The following NXPE2 variants were observed in gnomAD, a reference collection of about 807,000 sequenced individuals.
NXPE2 encodes NXPE family member 2.
A neutral mutation model predicts 34.4 loss-of-function variants in NXPE2; 34 were observed. The observed-to-expected ratio is 0.99, with a 90% CI of 0.75 to 1.31. NXPE2 has a LOEUF of 1.31. Ranked by LOEUF, NXPE2 falls within the 40% of genes most tolerant of loss-of-function variation. The probability of loss-of-function intolerance (pLI) is 0.00; values close to 1 mark genes in which losing one functional copy is unlikely to be tolerated. For missense variants in NXPE2, 649 were observed against 672.5 expected (o/e 0.97, Z 0.39); for synonymous variants, 235 against 231.3 (o/e 1.02, Z -0.15).
At chr11:114,680,266 G>A (rs958620593) in intron 2 of NXPE2, among the ~76,000 whole-genome samples, 13 of 151,950 alleles carry the variant, frequency 8.6e-5, no homozygotes, top group Non-Finnish European at 1.5e-4. Flanking sequence ...ATCATCTTCT[G>A]GTCCTGATCA....
At chr11:114,704,176 A>G in intron 4 of NXPE2, 124 bp downstream of exon 4, 1 of 710,456 alleles carries the variant, frequency 1.4e-6, no homozygotes, top group Middle Eastern at 2.4e-4. Context: ...AATTACATCA[A>G]CCACCTTGGG....
At chr11:114,580,847 T>A in the NXPE2 span, among the ~76,000 whole-genome samples, 168 of 152,264 alleles carry the variant, frequency 1.1e-3, no homozygotes, top group African/African-American at 3.8e-3. Context: ...CTGGAGAGTG[T>A]CTTAGAGGTC....
the NXPE2 span, among the ~76,000 whole-genome samples, chr11:114,606,417 G>A: frequency 6.6e-6 from 1 of 151,900 alleles, no homozygotes; most frequent in Non-Finnish European, 1.5e-5. Context: ...TGGATAATAA[G>A]TATTGCCTCG....
chr11:114,480,796 G>A, the NXPE2 span, among the ~76,000 whole-genome samples: 27 of 151,980 alleles, frequency 1.8e-4, no homozygotes, highest in South Asian at 1.7e-3. Flanking sequence ...TGCAATTACC[G>A]TAACAAAAAA....
the NXPE2 span, among the ~76,000 whole-genome samples, chr11:114,648,793 T>A: frequency 6.6e-6 from 1 of 152,214 alleles, no homozygotes; most frequent in Non-Finnish European, 1.5e-5. Flanking sequence ...CCTTGAGTGA[T>A]GTTTACTCTT....
At chr11:114,623,197 A>G in the NXPE2 span, among the ~76,000 whole-genome samples, 1 of 151,984 alleles carries the variant, frequency 6.6e-6, no homozygotes, top group Admixed American at 6.6e-5. Flanking sequence ...TAGGGTAACC[A>G]TTGTTACCCA....
the NXPE2 span, among the ~76,000 whole-genome samples, chr11:114,730,208 CT>C: frequency 6.6e-6 from 1 of 152,014 alleles, no homozygotes; most frequent in Admixed American, 6.6e-5. Flanking sequence ...GATCAGATGA[CT>C]GTAGGAGTAT....
chr11:114,621,505 A>T, the NXPE2 span, among the ~76,000 whole-genome samples: 21,556 of 152,022 alleles, frequency 0.14, 1,900 homozygotes, highest in East Asian at 0.37. Context: ...ATTGGAAAAT[A>T]AGTATTGCCT....
chr11:114,783,337 T>C, the NXPE2 span, among the ~76,000 whole-genome samples: 1 of 152,216 alleles, frequency 6.6e-6, no homozygotes, highest in African/African-American at 2.4e-5. Flanking sequence ...TGTTCCCACC[T>C]GAGGGGCCCT....
chr11:114,632,678 A>G, the NXPE2 span, among the ~76,000 whole-genome samples: 2 of 58,032 alleles, frequency 3.4e-5, no homozygotes, highest in Non-Finnish European at 2.7e-5. Flanking sequence ...ATATATATTT[A>G]TATATATAAA....
At chr11:114,767,261 C>A in the NXPE2 span, among the ~76,000 whole-genome samples, 1 of 152,126 alleles carries the variant, frequency 6.6e-6, no homozygotes. Context: ...CTCATTTAAT[C>A]CCCTGCACAA....
the NXPE2 span, among the ~76,000 whole-genome samples, chr11:114,629,213 C>A: frequency 6.6e-6 from 1 of 151,874 alleles, no homozygotes; most frequent in Non-Finnish European, 1.5e-5. Context: ...GGCAGAGACA[C>A]AACCAAAAAA....
At chr11:114,806,061 C>G in the NXPE2 span, among the ~76,000 whole-genome samples, 1 of 152,128 alleles carries the variant, frequency 6.6e-6, no homozygotes, top group South Asian at 2.1e-4. Context: ...CTGCAGCCAC[C>G]GCTGCTGGTA....
chr11:114,625,794 G>C, the NXPE2 span, among the ~76,000 whole-genome samples: 1 of 152,142 alleles, frequency 6.6e-6, no homozygotes, highest in South Asian at 2.1e-4. Flanking sequence ...GTGCCAGACA[G>C]TGGGTGCAGG....
the NXPE2 span, among the ~76,000 whole-genome samples, chr11:114,541,145 C>G: frequency 6.6e-6 from 1 of 152,000 alleles, no homozygotes; most frequent in African/African-American, 2.4e-5. Flanking sequence ...TAATCGATTG[C>G]CTGCCATAGC....
chr11:114,699,169 T>G (rs1322711778), intron 3 of NXPE2, among the ~76,000 whole-genome samples: 1 of 152,168 alleles, frequency 6.6e-6, no homozygotes. Flanking sequence ...GCTTTACCCC[T>G]TACATCCAGT....
the NXPE2 span, among the ~76,000 whole-genome samples, chr11:114,521,151 A>T: frequency 6.6e-6 from 1 of 151,726 alleles, no homozygotes. Context: ...TATTAGGGTT[A>T]TTGATTTTCT....
At chr11:114,774,478 A>C in the NXPE2 span, among the ~76,000 whole-genome samples, 2 of 152,236 alleles carry the variant, frequency 1.3e-5, no homozygotes, top group Non-Finnish European at 2.9e-5. Context: ...ACCAAACTGC[A>C]TACAGCGTAT....
At chr11:114,552,501 C>A in the NXPE2 span, among the ~76,000 whole-genome samples, 1 of 151,802 alleles carries the variant, frequency 6.6e-6, no homozygotes. Flanking sequence ...AACAGAATCC[C>A]GATTTTTAGA....
Sources: gnomAD v4.1 joint callset for allele counts (sites outside exome capture counted in the v4.1 genomes callset) on GRCh38, gnomAD v4.1.1 for gene constraint, MANE v1.5 for transcripts, NCBI Gene and HGNC (gene_info 2026-07-23, HGNC 2026-07-21) for gene names.